CNR2: variants seen among roughly 807,000 people sequenced by gnomAD.
The protein encoded by CNR2 is cannabinoid receptor 2 (macrophage).
For synonymous variants in CNR2, 172 were observed against 182.2 expected, an observed-to-expected ratio of 0.94 and a Z score of 0.45; for missense variants, 379 against 439.9, an observed-to-expected ratio of 0.86 and a Z score of 1.24.
chr1:23,903,577 C>CA (rs112143003), intron 1 of CNR2, among the ~76,000 whole-genome samples: 82,506 of 130,934 alleles, frequency 0.63, 26,218 homozygotes, highest in Non-Finnish European at 0.69. Context: ...CAGGCTTTGT[C>CA]AAAAAAAAAA....
intron 1 of CNR2, among the ~76,000 whole-genome samples, chr1:23,877,270 C>A (rs981054489): frequency 2.0e-5 from 3 of 152,054 alleles, no homozygotes; most frequent in East Asian, 1.9e-4. Flanking sequence ...AAAATAAAAT[C>A]ATTGAAAAAA....
intron 1 of CNR2, among the ~76,000 whole-genome samples, chr1:23,879,454 A>C (rs1214082326): frequency 6.6e-6 from 1 of 152,088 alleles, no homozygotes; most frequent in African/African-American, 2.4e-5. Context: ...TCTCTACAAG[A>C]CATAAAAATT....
At chr1:23,906,492 A>G (rs72665135) in intron 1 of CNR2, among the ~76,000 whole-genome samples, 4,900 of 144,564 alleles carry the variant, frequency 0.034, 117 homozygotes, top group South Asian at 0.11. Context: ...TGTATTGTTT[A>G]AAATTTTTCT....
chr1:23,901,506 C>A, intron 1 of CNR2: 3 of 1,593,076 alleles, frequency 1.9e-6, no homozygotes, highest in Non-Finnish European at 1.7e-6. Context: ...ATCTGCCCAC[C>A]CTGGACCCCA....
intron 1 of CNR2, among the ~76,000 whole-genome samples, chr1:23,883,326 A>C (rs1640025740): frequency 1.3e-5 from 2 of 152,230 alleles, no homozygotes; most frequent in Admixed American, 1.3e-4. Flanking sequence ...ACGATACATC[A>C]ATTGCAGTCC....
chr1:23,895,205 A>G (rs2148466394), intron 1 of CNR2, among the ~76,000 whole-genome samples: 1 of 152,142 alleles, frequency 6.6e-6, no homozygotes, highest in Admixed American at 6.6e-5. Flanking sequence ...TGGGTGACAG[A>G]GCAAAACTCA....
intron 1 of CNR2, among the ~76,000 whole-genome samples, chr1:23,891,224 A>T (rs901463127): frequency 1.3e-5 from 2 of 151,756 alleles, no homozygotes; most frequent in Non-Finnish European, 2.9e-5. Context: ...GTTGTAATAA[A>T]GTTTTCTGGG....
intron 1 of CNR2, among the ~76,000 whole-genome samples, chr1:23,888,211 C>T (rs116457494): frequency 0.022 from 3,421 of 152,298 alleles, 58 homozygotes; most frequent in Middle Eastern, 0.099. Context: ...CGTTCGGTCT[C>T]TCTGGTTCCT....
At position 23,870,548 on chromosome 1, in the gene CNR2, A is replaced by AT. The variant is rs1264767844; in HGVS notation, c.*3986dup. ...TAATCGGTTTGCATAGTGGTCTTTA[A>AT]TGTTACAGAGCTTGTCTTGGGGAAG... On this transcript the variant is annotated 3_prime_UTR_variant, in exon 2 of 2. Transcript: ENST00000374472. 2 of 152,240 alleles carry AT rather than the reference A, an allele frequency of 1.3e-5. No individual in the cohort carries two copies. The highest frequency in any genetic ancestry group is 4.8e-5 in the African/African-American group (2 of 41,470). 9.4% of individuals were successfully genotyped at this position (152,240 alleles called of 1,614,324 possible). A position where few individuals can be genotyped will look rare whatever the true frequency, so the allele number is the denominator to read the frequency against.
chr1:23,908,675 TGGAA>T (rs993605980), intron 1 of CNR2, among the ~76,000 whole-genome samples: 8 of 152,044 alleles, frequency 5.3e-5, no homozygotes, highest in African/African-American at 1.9e-4. Context: ...ATGGGCCCAT[TGGAA>T]GGGAGGGAGG....
At position 23,910,654 on chromosome 1, in the gene CNR2, C is replaced by CAAAAAA. The variant is rs34083515; in HGVS notation, c.-46+2586_-46+2591dup. On this transcript the variant is annotated intron_variant, in intron 1 of 1. Transcript: ENST00000374472. Reference sequence around the variant, plus strand: ...GGGCAACAAGAGCAAAACGCTGTCTCAAAAAAAAAAAAAAAAAAAAAAAAA... The same window carrying CAAAAAA: ...GGGCAACAAGAGCAAAACGCTGTCTCAAAAAAAAAAAAAAAAAAAAAAAAAAAAAAA... 2.1e-3 allele frequency among the ~76,000 whole-genome samples: 66 copies of CAAAAAA among 32,152 alleles called. 1 individual carries two copies. The highest frequency in any genetic ancestry group is 0.031 in the Middle Eastern group (1 of 32). 21.1% of individuals were successfully genotyped at this position (32,152 alleles called of 152,430 possible).
At position 23,870,673 on chromosome 1, in the gene CNR2, C is replaced by G. The variant is rs1265743324; in HGVS notation, c.*3862G>C. The stretch of plus-strand genomic sequence containing the variant: ...GTGAGAGGCACTGATGTAGAGTGGA[C>G]AGAACTGGAAGTTAGGAAACCTAGG... On this transcript the variant is annotated 3_prime_UTR_variant, in exon 2 of 2. Coordinates refer to ENST00000374472, the MANE Select transcript of CNR2 (RefSeq NM_001841.3). The G allele has an allele frequency of 2.0e-5, 3 of 152,182 alleles. No individual in the cohort carries two copies. The highest frequency in any genetic ancestry group is 4.4e-5 in the Non-Finnish European group (3 of 68,048). 9.4% of individuals were successfully genotyped at this position (152,182 alleles called of 1,614,324 possible).
At chr1:23,911,125 A>T (rs1640576290) in intron 1 of CNR2, among the ~76,000 whole-genome samples, 2 of 123,342 alleles carry the variant, frequency 1.6e-5, no homozygotes, top group Non-Finnish European at 3.2e-5. Context: ...TTTCCTGAGA[A>T]CCTGAGCGCA....
intron 1 of CNR2, among the ~76,000 whole-genome samples, chr1:23,898,487 G>A (rs1353255936): frequency 7.4e-5 from 11 of 147,968 alleles, no homozygotes; most frequent in Non-Finnish European, 1.0e-4. Flanking sequence ...GACTACAGGC[G>A]CCCACCACCA....
intron 1 of CNR2, among the ~76,000 whole-genome samples, chr1:23,888,788 C>T (rs755164639): frequency 6.6e-6 from 1 of 151,910 alleles, no homozygotes; most frequent in African/African-American, 2.4e-5. Flanking sequence ...CTGGCCAACA[C>T]GGTGAAACCC....
intron 1 of CNR2, among the ~76,000 whole-genome samples, chr1:23,894,763 C>T (rs55963374): frequency 0.84 from 123,648 of 147,386 alleles, 50,638 homozygotes; most frequent in South Asian, 0.85. Context: ...GAAATTTTGT[C>T]TCAAAAAAAA....
At chr1:23,883,649 ACC>A (rs1439093108) in intron 1 of CNR2, among the ~76,000 whole-genome samples, 1 of 152,058 alleles carries the variant, frequency 6.6e-6, no homozygotes, top group Non-Finnish European at 1.5e-5. Flanking sequence ...ACACGGTGAA[ACC>A]CTGTCTCTAC....
chr1:23,885,745 G>A (rs1640077171), intron 1 of CNR2, among the ~76,000 whole-genome samples: 1 of 152,098 alleles, frequency 6.6e-6, no homozygotes, highest in South Asian at 2.1e-4. Flanking sequence ...AGGCGTGGTG[G>A]CGTGCGCCTG....
At chr1:23,908,082 G>A (rs556282650) in intron 1 of CNR2, among the ~76,000 whole-genome samples, 101 of 133,326 alleles carry the variant, frequency 7.6e-4, no homozygotes, top group Non-Finnish European at 1.3e-3. Context: ...TCTGGTTCAA[G>A]CAATTCTCCT....
Sources: allele counts gnomAD v4.1 joint callset (sites outside exome capture counted in the v4.1 genomes callset), GRCh38; gene constraint gnomAD v4.1.1; transcripts MANE v1.5; gene names NCBI Gene and HGNC (gene_info 2026-07-23, HGNC 2026-07-21).